INIP: variants seen among roughly 807,000 people sequenced by gnomAD.
The protein encoded by INIP is SOSS complex subunit C.
INIP carries 9 observed loss-of-function variants against 14.0 expected under a neutral mutation model. The ratio of observed to expected loss-of-function variants is 0.64; its 90% CI spans 0.39 to 1.12. The LOEUF is 1.12. Ranked by LOEUF, INIP falls within the 50% of genes most tolerant of loss-of-function variation. The probability of loss-of-function intolerance (pLI) is 0.01; values close to 1 mark genes in which losing one functional copy is unlikely to be tolerated. For synonymous variants in INIP, 37 were observed against 41.5 expected (o/e 0.89, Z 0.41); for missense variants, 78 against 122.7 (o/e 0.64, Z 1.72).
intron 2 of INIP, among the ~76,000 whole-genome samples, chr9:112,694,608 A>G (rs548694933): frequency 6.6e-6 from 1 of 152,336 alleles, no homozygotes; most frequent in Admixed American, 6.5e-5. Flanking sequence ...TGCAGTCTCT[A>G]TCCTGCCGAG....
intron 4 of INIP, 118 bp downstream of exon 4, chr9:112,689,409 A>G: frequency 1.3e-6 from 1 of 780,890 alleles, no homozygotes; most frequent in South Asian, 1.6e-5. Flanking sequence ...AAACCATTGC[A>G]ATTATGTGTG....
intron 2 of INIP, among the ~76,000 whole-genome samples, chr9:112,702,487 A>C (rs1307238058): frequency 1.3e-5 from 2 of 152,234 alleles, no homozygotes; most frequent in Non-Finnish European, 2.9e-5. Flanking sequence ...TTTTCAAAGT[A>C]CATGAGAGTG....
intron 2 of INIP, among the ~76,000 whole-genome samples, chr9:112,707,086 T>C (rs144838139): frequency 2.2e-4 from 34 of 152,084 alleles, no homozygotes; most frequent in Non-Finnish European, 4.6e-4. Flanking sequence ...TAATTACGCA[T>C]TAGCCACCAT....
At position 112,689,833 on chromosome 9, in the gene INIP, A is replaced by AC. The variant is rs560045813; in HGVS notation, c.129-217_129-216insG. On this transcript the variant is annotated intron_variant, in intron 3 of 4. Transcript: ENST00000374242. ...ATATCCATCACCTCGCATACTTACC[A>AC]TTTTTGGTTGTGGAACATTTAAGAT... Among the ~76,000 whole-genome samples, 102 of 152,260 alleles carry AC rather than the reference A, an allele frequency of 6.7e-4. No individual in the cohort carries two copies. In the East Asian group the frequency reaches 0.017, roughly 26 times the overall value.
At chr9:112,713,563 C>T (rs758694745) in intron 2 of INIP, among the ~76,000 whole-genome samples, 9 of 152,218 alleles carry the variant, frequency 5.9e-5, no homozygotes, top group Middle Eastern at 3.4e-3. Flanking sequence ...CATGGTGATG[C>T]ATGCATGCAG....
intron 2 of INIP, among the ~76,000 whole-genome samples, chr9:112,700,209 AG>A (rs1424314626): frequency 6.6e-6 from 1 of 152,162 alleles, no homozygotes; most frequent in Non-Finnish European, 1.5e-5. Flanking sequence ...TGGTTATCAA[AG>A]CAATTGCTAA....
intron 3 of INIP, among the ~76,000 whole-genome samples, chr9:112,691,504 G>A (rs889436788): frequency 6.6e-5 from 10 of 152,178 alleles, no homozygotes; most frequent in African/African-American, 2.2e-4. Context: ...CTGCAAATGC[G>A]TAAGTGATTA....
rs75908500 is a variant in INIP, at chr9:112,711,707, C to T, written c.25+4754G>A. On this transcript the variant is annotated intron_variant, in intron 2 of 4. Transcript: ENST00000374242. Reference sequence around the variant, plus strand: ...GGACCTATGATTAGTCCACAGAGCACACAAATCGCACATGGCTATGTGAGA... The same window carrying T: ...GGACCTATGATTAGTCCACAGAGCATACAAATCGCACATGGCTATGTGAGA... 6.8e-3 allele frequency among the ~76,000 whole-genome samples: 1,033 copies of T among 152,240 alleles called. 14 individuals are homozygous for T. Among genetic ancestry groups the T allele is most frequent in the African/African-American group, 0.024 (986 of 41,536 alleles).
intron 2 of INIP, among the ~76,000 whole-genome samples, chr9:112,711,234 A>T (rs1464928023): frequency 1.3e-5 from 2 of 152,166 alleles, no homozygotes; most frequent in Middle Eastern, 3.2e-3. Context: ...TAAGAATTTT[A>T]AAATTTCACT....
chr9:112,696,609 A>T (rs548675992), intron 2 of INIP, among the ~76,000 whole-genome samples: 2 of 152,286 alleles, frequency 1.3e-5, no homozygotes, highest in East Asian at 3.9e-4. Context: ...CAGTTCTACA[A>T]GACTGCTCGC....
At chr9:112,688,822 G>A (rs1201775544) in intron 4 of INIP, among the ~76,000 whole-genome samples, 1 of 152,140 alleles carries the variant, frequency 6.6e-6, no homozygotes, top group Non-Finnish European at 1.5e-5. Context: ...CAGCCTGGGT[G>A]ACAGAGCGTG....
At chr9:112,710,999 C>T (rs1838629385) in intron 2 of INIP, among the ~76,000 whole-genome samples, 1 of 150,884 alleles carries the variant, frequency 6.6e-6, no homozygotes, top group East Asian at 2.0e-4. Context: ...GGCAACAAAG[C>T]GAGACCCTGT....
At chr9:112,697,510 G>T (rs1276851462) in intron 2 of INIP, among the ~76,000 whole-genome samples, 1 of 152,204 alleles carries the variant, frequency 6.6e-6, no homozygotes, top group Non-Finnish European at 1.5e-5. Context: ...TTGAGCCCAT[G>T]AAGTAGAGGC....
At chr9:112,703,477 C>A (rs188748168) in intron 2 of INIP, among the ~76,000 whole-genome samples, 4 of 152,022 alleles carry the variant, frequency 2.6e-5, no homozygotes, top group African/African-American at 9.7e-5. Context: ...CCAGCACTTT[C>A]GGAGGCTGAA....
chr9:112,713,753 G>C lies in INIP; in HGVS notation c.25+2708C>G, dbSNP rs540583592. On this transcript the variant is annotated intron_variant, in intron 2 of 4. Transcript: ENST00000374242. ...TGCCTGTAATTCCAGCACTTTGGGA[G>C]GCCGAGGCAGGCGGATCACCTGAGG... 5.3e-5 allele frequency among the ~76,000 whole-genome samples: 8 copies of C among 152,254 alleles called. No homozygotes were observed. In the East Asian group the frequency reaches 1.5e-3, roughly 29 times the overall value.
At chr9:112,708,931 C>A (rs1030516756) in intron 2 of INIP, among the ~76,000 whole-genome samples, 1 of 151,428 alleles carries the variant, frequency 6.6e-6, no homozygotes, top group African/African-American at 2.4e-5. Context: ...TAGTTAATGA[C>A]GAATGTTTCC....
At chr9:112,715,145 C>A (rs867813974) in intron 2 of INIP, among the ~76,000 whole-genome samples, 9 of 142,336 alleles carry the variant, frequency 6.3e-5, no homozygotes, top group African/African-American at 2.5e-4. Flanking sequence ...CACACACACA[C>A]ACACACACAC....
At chr9:112,703,753 T>C (rs1838372587) in intron 2 of INIP, among the ~76,000 whole-genome samples, 1 of 152,100 alleles carries the variant, frequency 6.6e-6, no homozygotes, top group South Asian at 2.1e-4. Context: ...AGAAGAATTT[T>C]TAAAAAACGT....
chr9:112,705,720 A>G lies in INIP; in HGVS notation c.25+10741T>C, dbSNP rs114140465. ...GATGAGTATTTTTCTCCATGCCCCA[A>G]ATATCTTCAGACATTAAAGAATGAA... On this transcript the variant is annotated intron_variant, in intron 2 of 4. Coordinates refer to ENST00000374242, the MANE Select transcript of INIP (RefSeq NM_021218.3). Among the ~76,000 whole-genome samples the G allele has an allele frequency of 1.6e-3, 237 of 152,334 alleles. 2 individuals are homozygous for G. The highest frequency in any genetic ancestry group is 5.4e-3 in the African/African-American group (223 of 41,584).
Sources: gnomAD v4.1 joint callset for allele counts (sites outside exome capture counted in the v4.1 genomes callset) on GRCh38, gnomAD v4.1.1 for gene constraint, MANE v1.5 for transcripts, NCBI Gene and HGNC (gene_info 2026-07-23, HGNC 2026-07-21) for gene names.